Variants in TEK observed in about 807,000 individuals in gnomAD.
TEK encodes angiopoietin-1 receptor.
TEK carries 43 observed loss-of-function variants against 131.8 expected under a neutral mutation model. That is an observed-to-expected ratio of 0.33 (90% CI 0.26 to 0.42). TEK has a LOEUF of 0.42. TEK is among the 10% of genes least tolerant of loss of function. TEK has a pLI of 1.00. For synonymous variants in TEK, 580 were observed against 491.6 expected, an observed-to-expected ratio of 1.18 and a Z score of -2.38; for missense variants, 1,162 against 1,384.4, an observed-to-expected ratio of 0.84 and a Z score of 2.55.
At chr9:27,139,882 G>A (rs1377706533) in intron 1 of TEK, among the ~76,000 whole-genome samples, 2 of 152,154 alleles carry the variant, frequency 1.3e-5, no homozygotes, top group Non-Finnish European at 2.9e-5. Flanking sequence ...GTTGTTAAAA[G>A]AGTGAAATAA....
intron 9 of TEK, among the ~76,000 whole-genome samples, chr9:27,187,663 G>A (rs1202192785): frequency 6.6e-6 from 1 of 152,094 alleles, no homozygotes; most frequent in African/African-American, 2.4e-5. Context: ...TAAGCAACAG[G>A]AATTTATTTT....
At chr9:27,150,086 C>T (rs574141261) in intron 1 of TEK, among the ~76,000 whole-genome samples, 46 of 152,244 alleles carry the variant, frequency 3.0e-4, no homozygotes, top group African/African-American at 1.0e-3. Flanking sequence ...TCTTTTTTCT[C>T]TTCCCCCAAT....
chr9:27,120,339 C>T (rs901604349), intron 1 of TEK, among the ~76,000 whole-genome samples: 5 of 152,352 alleles, frequency 3.3e-5, no homozygotes, highest in South Asian at 2.1e-4. Flanking sequence ...TCTTCACCTG[C>T]TTTACTTATT....
At chr9:27,218,565 G>A (rs923349998) in intron 19 of TEK, among the ~76,000 whole-genome samples, 1 of 152,112 alleles carries the variant, frequency 6.6e-6, no homozygotes, top group Non-Finnish European at 1.5e-5. Flanking sequence ...TGATTTGGGG[G>A]CTCTGGCAAA....
At chr9:27,170,822 A>G (rs1346973835) in intron 4 of TEK, among the ~76,000 whole-genome samples, 1 of 152,226 alleles carries the variant, frequency 6.6e-6, no homozygotes, top group Non-Finnish European at 1.5e-5. Flanking sequence ...TTAGATGTCT[A>G]TCAGCCTAGA....
chr9:27,191,100 T>G (rs1477232658), intron 10 of TEK, among the ~76,000 whole-genome samples: 1 of 152,174 alleles, frequency 6.6e-6, no homozygotes, highest in East Asian at 1.9e-4. Flanking sequence ...GGGTGATTGT[T>G]GCTGCTGTAT....
intron 22 of TEK, 128 bp downstream of exon 22, chr9:27,228,433 GGATGTCCC>G: frequency 1.3e-6 from 1 of 751,140 alleles, no homozygotes; most frequent in South Asian, 1.5e-5. Context: ...TAGAAACAAA[GGATGTCCC>G]TCCACCCCCG....
intron 2 of TEK, among the ~76,000 whole-genome samples, chr9:27,167,617 A>G (rs1046197802): frequency 6.6e-6 from 1 of 152,224 alleles, no homozygotes; most frequent in African/African-American, 2.4e-5. Context: ...CAGTTCATAC[A>G]TATATAATTA....
intron 1 of TEK, among the ~76,000 whole-genome samples, chr9:27,110,693 C>CA (rs1251124329): frequency 6.6e-6 from 1 of 151,870 alleles, no homozygotes; most frequent in Non-Finnish European, 1.5e-5. Context: ...ATTAAATATT[C>CA]AAAAAACAAA....
intron 18 of TEK, among the ~76,000 whole-genome samples, chr9:27,213,936 A>G (rs1376826347): frequency 6.6e-6 from 1 of 152,224 alleles, no homozygotes; most frequent in African/African-American, 2.4e-5. Flanking sequence ...TTTCATGCAC[A>G]GCTGACACAG....
intron 15 of TEK, among the ~76,000 whole-genome samples, chr9:27,208,456 C>A (rs996922449): frequency 2.0e-5 from 3 of 152,140 alleles, no homozygotes; most frequent in African/African-American, 7.2e-5. Flanking sequence ...TGTTCTCCCT[C>A]TGGTTAAAGT....
intron 1 of TEK, among the ~76,000 whole-genome samples, chr9:27,116,884 CGGA>C (rs953480190): frequency 1.8e-5 from 2 of 113,094 alleles, no homozygotes; most frequent in African/African-American, 7.0e-5. Flanking sequence ...TTTTTTGAGT[CGGA>C]GTCTCGCTCA....
chr9:27,137,939 T>C (rs1822551403), intron 1 of TEK, among the ~76,000 whole-genome samples: 1 of 152,200 alleles, frequency 6.6e-6, no homozygotes, highest in Middle Eastern at 3.2e-3. Context: ...CCAGAGTTTG[T>C]TCCTTCAGAT....
intron 1 of TEK, among the ~76,000 whole-genome samples, chr9:27,113,586 CAATAAAATAA>C (rs10568024): frequency 3.8e-4 from 58 of 151,010 alleles, no homozygotes; most frequent in African/African-American, 1.0e-3. Flanking sequence ...GACTCCGTCT[CAATAAAATAA>C]AATAAAATAA....
At chr9:27,214,856 A>G (rs1825760886) in intron 18 of TEK, among the ~76,000 whole-genome samples, 1 of 152,120 alleles carries the variant, frequency 6.6e-6, no homozygotes, top group African/African-American at 2.4e-5. Context: ...GCTGGCTTCC[A>G]GGTGATGCTT....
chr9:27,223,062 G>C (rs1434886337), intron 21 of TEK, among the ~76,000 whole-genome samples: 1 of 152,154 alleles, frequency 6.6e-6, no homozygotes, highest in Non-Finnish European at 1.5e-5. Context: ...AATGCACCAA[G>C]AACAGCTAAC....
At chr9:27,197,151 G>A (rs757608454) in intron 11 of TEK, among the ~76,000 whole-genome samples, 164 bp from the exon 12 acceptor site, 1 of 151,934 alleles carries the variant, frequency 6.6e-6, no homozygotes, top group Non-Finnish European at 1.5e-5. Flanking sequence ...AAGGGGGATG[G>A]TACTAAACCA....
intron 1 of TEK, among the ~76,000 whole-genome samples, chr9:27,127,947 G>A (rs1458820369): frequency 6.6e-6 from 1 of 152,206 alleles, no homozygotes; most frequent in Non-Finnish European, 1.5e-5. Context: ...TCTGATGGTA[G>A]TTTCTTTTGC....
At chr9:27,204,582 C>G (rs1215570389) in intron 13 of TEK, among the ~76,000 whole-genome samples, 1 of 152,112 alleles carries the variant, frequency 6.6e-6, no homozygotes, top group Non-Finnish European at 1.5e-5. Context: ...TGTAGTAATT[C>G]TCCCTATTAT....
Sources: gnomAD v4.1 joint callset for allele counts (sites outside exome capture counted in the v4.1 genomes callset) on GRCh38, gnomAD v4.1.1 for gene constraint, MANE v1.5 for transcripts, NCBI Gene and HGNC (gene_info 2026-07-23, HGNC 2026-07-21) for gene names.